SCCPDH: variants seen among roughly 807,000 people sequenced by gnomAD.
SCCPDH encodes saccharopine dehydrogenase-like oxidoreductase.
Under a neutral mutation model 51.5 loss-of-function variants are expected in SCCPDH, and 34 were observed. That is an observed-to-expected ratio of 0.66 (90% CI 0.50 to 0.88). The LOEUF is 0.88. Among genes scored for constraint, SCCPDH ranks in the 40% least tolerant of loss-of-function variants. SCCPDH has a pLI of 0.00. For missense variants in SCCPDH, 464 were observed against 527.1 expected (o/e 0.88, Z 1.17); for synonymous variants, 187 against 191.3 (o/e 0.98, Z 0.19).
At chr1:246,750,445 G>A (rs951319911) in intron 5 of SCCPDH, among the ~76,000 whole-genome samples, 4 of 152,138 alleles carry the variant, frequency 2.6e-5, no homozygotes, top group African/African-American at 9.7e-5. Context: ...TTCTAGGCAG[G>A]GCAATGGGAT....
chr1:246,763,176 C>T (rs2102991289), intron 9 of SCCPDH, among the ~76,000 whole-genome samples: 1 of 152,260 alleles, frequency 6.6e-6, no homozygotes. Context: ...GCCGAAAGTC[C>T]ATCTTCAGAG....
At chr1:246,750,120 G>A (rs74152237) in intron 5 of SCCPDH, among the ~76,000 whole-genome samples, 1 of 152,100 alleles carries the variant, frequency 6.6e-6, no homozygotes, top group Non-Finnish European at 1.5e-5. Context: ...TGTTCGAACC[G>A]CGGTCTTGGT....
Position 246,736,043 on chromosome 1 carries a change from T to C in SCCPDH, c.372T>C (p.Ser124=). Residue 124 remains serine (S), a synonymous_variant, in exon 3 of 12, where the codon AGT becomes AGC. Transcript: ENST00000366510. ...ATGGAGCCAGTTGTATCGACATCAGTGGAGAACCTCAGGTATAAAAAATAA... is the reference window on the plus strand; with the variant it reads ...ATGGAGCCAGTTGTATCGACATCAGCGGAGAACCTCAGGTATAAAAAATAA... ...IENGASCIDI[S]GEPQFLELMQ... is the part of the protein sequence containing the mutation. 6.2e-7 allele frequency: 1 copy of C among 1,609,194 alleles called. No homozygotes were observed. Among genetic ancestry groups the C allele is most frequent in the Non-Finnish European group, 8.5e-7 (1 of 1,176,146 alleles).
intron 5 of SCCPDH, among the ~76,000 whole-genome samples, chr1:246,750,158 G>A (rs1408197842): frequency 6.6e-6 from 1 of 152,112 alleles, no homozygotes; most frequent in Non-Finnish European, 1.5e-5. Flanking sequence ...AGGGTCCTTC[G>A]AAAGCGGGTT....
Position 246,759,969 on chromosome 1 carries a change from G to C in SCCPDH, c.826G>C (p.Ala276Pro), listed in dbSNP as rs1385508659. 1.2e-6 allele frequency: 2 copies of C among 1,612,398 alleles called. No individual in the cohort carries two copies. The highest frequency in any genetic ancestry group is 1.7e-6 in the Non-Finnish European group (2 of 1,179,520). Residue 276 changes from alanine (A) to proline (P), a missense_variant, in exon 8 of 12, where the codon GCG becomes CCG. By Grantham distance (27) the Ala-to-Pro change is conservative. Coordinates refer to ENST00000366510, the MANE Select transcript of SCCPDH (RefSeq NM_016002.3). The part of the protein sequence containing the change: ...NLEESPVQYA[A>P]YVTVGGITSV... Reference sequence around the variant, plus strand: ...CTCCATCATCTAGGTTCAGTATGCTGCGTATGTAACTGTGGGAGGCATCAC... The same window carrying C: ...CTCCATCATCTAGGTTCAGTATGCTCCGTATGTAACTGTGGGAGGCATCAC...
chr1:246,739,591 C>G (rs1012727356), intron 3 of SCCPDH, among the ~76,000 whole-genome samples: 5 of 152,162 alleles, frequency 3.3e-5, no homozygotes, highest in Non-Finnish European at 2.9e-5. Context: ...TATGTCAGTA[C>G]TGGTTCATTA....
chr1:246,748,862 A>C (rs1668809172), intron 5 of SCCPDH, among the ~76,000 whole-genome samples: 1 of 152,172 alleles, frequency 6.6e-6, no homozygotes, highest in Non-Finnish European at 1.5e-5. Context: ...TACTTGCAGA[A>C]TACCCAGCAA....
At chr1:246,749,217 C>A (rs1668814895) in intron 5 of SCCPDH, among the ~76,000 whole-genome samples, 1 of 152,192 alleles carries the variant, frequency 6.6e-6, no homozygotes, top group African/African-American at 2.4e-5. Flanking sequence ...GGGTATCTGG[C>A]CTGCCTGTTG....
At chr1:246,763,131 G>A (rs1449549825) in intron 9 of SCCPDH, among the ~76,000 whole-genome samples, 1 of 152,158 alleles carries the variant, frequency 6.6e-6, no homozygotes, top group Non-Finnish European at 1.5e-5. Flanking sequence ...TTCCAGATTT[G>A]AGTGGTTTTG....
At chr1:246,741,302 C>G (rs1668673172) in intron 4 of SCCPDH, among the ~76,000 whole-genome samples, 1 of 152,022 alleles carries the variant, frequency 6.6e-6, no homozygotes, top group African/African-American at 2.4e-5. Context: ...AAAGAAAATA[C>G]TATATAAAAT....
intron 5 of SCCPDH, among the ~76,000 whole-genome samples, chr1:246,748,534 A>G (rs776100676): frequency 6.6e-5 from 10 of 152,296 alleles, no homozygotes; most frequent in South Asian, 6.2e-4. Flanking sequence ...GTGGGCCCCA[A>G]TTGTTCTGCT....
chr1:246,741,382 G>A (rs555078826), intron 4 of SCCPDH, among the ~76,000 whole-genome samples: 22 of 151,372 alleles, frequency 1.5e-4, no homozygotes, highest in Non-Finnish European at 2.7e-4. Context: ...TCACCGTAAC[G>A]AATGCCTGGG....
intron 6 of SCCPDH, 58 bp downstream of exon 6, chr1:246,758,414 T>C: frequency 7.5e-7 from 1 of 1,330,442 alleles, no homozygotes; most frequent in East Asian, 2.5e-5. Flanking sequence ...TGTTGTTGGG[T>C]TGGCTATTAA....
Position 246,766,040 on chromosome 1 carries a change from A to G in SCCPDH, c.1103-18A>G. ...TTCATGATTCCTTTCTTTTTCCCTG[A>G]TCAACTGTTTTCTGCAGAGGCTGGC... On this transcript the variant is annotated intron_variant, in intron 10 of 11. Coordinates refer to ENST00000366510, the MANE Select transcript of SCCPDH (RefSeq NM_016002.3). 1 of 1,562,854 alleles carries G rather than the reference A, an allele frequency of 6.4e-7. No individual in the cohort carries two copies. The highest frequency in any genetic ancestry group is 2.2e-5 in the East Asian group (1 of 44,468).
At chr1:246,737,739 A>G (rs780304797) in intron 3 of SCCPDH, among the ~76,000 whole-genome samples, 2 of 151,894 alleles carry the variant, frequency 1.3e-5, no homozygotes, top group Admixed American at 6.6e-5. Context: ...GTACAGGTGC[A>G]CACCACCACA....
At chr1:246,740,829 T>A (rs889725445) in intron 4 of SCCPDH, among the ~76,000 whole-genome samples, 5 of 152,134 alleles carry the variant, frequency 3.3e-5, no homozygotes, top group African/African-American at 1.2e-4. Flanking sequence ...ACCCATAATC[T>A]TAGCTACTTG....
At chr1:246,746,570 G>A (rs1258664114) in intron 5 of SCCPDH, among the ~76,000 whole-genome samples, 6 of 152,226 alleles carry the variant, frequency 3.9e-5, no homozygotes, top group African/African-American at 1.4e-4. Flanking sequence ...GCTAGGCGCA[G>A]TGGCTCACGC....
intron 5 of SCCPDH, among the ~76,000 whole-genome samples, chr1:246,756,296 TCTTAGGTGATTAAA>T: frequency 6.6e-6 from 1 of 152,270 alleles, no homozygotes; most frequent in African/African-American, 2.4e-5. Flanking sequence ...AGGGATGAAT[TCTTAGGTGATTAAA>T]CTCTAAAGAA....
chr1:246,764,811 C>T (rs1344908158), intron 10 of SCCPDH, among the ~76,000 whole-genome samples: 1 of 152,250 alleles, frequency 6.6e-6, no homozygotes, highest in Non-Finnish European at 1.5e-5. Context: ...AAGAATGTTG[C>T]CCAAAACGTT....
Sources: gnomAD v4.1 joint callset for allele counts (sites outside exome capture counted in the v4.1 genomes callset) on GRCh38, gnomAD v4.1.1 for gene constraint, MANE v1.5 for transcripts, NCBI Gene and HGNC (gene_info 2026-07-23, HGNC 2026-07-21) for gene names.